CDK14: variants seen among roughly 807,000 people sequenced by gnomAD.
CDK14 encodes the protein cyclin dependent kinase 14.
A neutral mutation model predicts 60.7 loss-of-function variants in CDK14; 34 were observed. The ratio of observed to expected loss-of-function variants is 0.56; its 90% CI spans 0.43 to 0.75. CDK14 has a LOEUF of 0.75. Ranked by LOEUF, CDK14 falls within the 30% of genes least tolerant of loss-of-function variation. The probability of loss-of-function intolerance (pLI) is 0.00; values close to 1 mark genes in which losing one functional copy is unlikely to be tolerated. For missense variants in CDK14, 482 were observed against 564.1 expected (o/e 0.85, Z 1.47); for synonymous variants, 197 against 203.7 (o/e 0.97, Z 0.28).
intron 6 of CDK14, among the ~76,000 whole-genome samples, chr7:90,884,163 A>G (rs1433570755): frequency 6.6e-6 from 1 of 152,220 alleles, no homozygotes; most frequent in Non-Finnish European, 1.5e-5. Flanking sequence ...TGCAGATGAC[A>G]TGATTTTGTA....
intron 6 of CDK14, among the ~76,000 whole-genome samples, chr7:90,871,600 A>C (rs1033901777): frequency 1.3e-5 from 2 of 152,236 alleles, no homozygotes; most frequent in African/African-American, 2.4e-5. Context: ...TCTTTGAAAT[A>C]TAATGAGCAC....
intron 12 of CDK14, among the ~76,000 whole-genome samples, chr7:91,096,082 A>AAAAAAC (rs1798981854): frequency 6.6e-6 from 1 of 150,812 alleles, no homozygotes; most frequent in Non-Finnish European, 1.5e-5. Flanking sequence ...AAAAAAAAAA[A>AAAAAAC]AAAAAACAGT....
intron 3 of CDK14, among the ~76,000 whole-genome samples, chr7:90,739,105 G>A (rs1331658397): frequency 6.6e-6 from 1 of 152,156 alleles, no homozygotes; most frequent in Non-Finnish European, 1.5e-5. Flanking sequence ...TTGTTTTGTA[G>A]ACTAGGAAAA....
chr7:90,918,811 A>G (rs941148150), intron 8 of CDK14, among the ~76,000 whole-genome samples: 2 of 152,210 alleles, frequency 1.3e-5, no homozygotes, highest in Admixed American at 6.5e-5. Context: ...AGACTGTTGA[A>G]TACCTTTGGA....
chr7:90,668,726 T>TC (rs1801038141), intron 2 of CDK14, among the ~76,000 whole-genome samples: 1 of 65,320 alleles, frequency 1.5e-5, no homozygotes, highest in Admixed American at 1.8e-4. Flanking sequence ...TTTTTTTTTT[T>TC]CAACTGGGGC....
intron 6 of CDK14, among the ~76,000 whole-genome samples, chr7:90,875,642 A>C (rs1791532799): frequency 6.6e-6 from 1 of 152,046 alleles, no homozygotes; most frequent in South Asian, 2.1e-4. Flanking sequence ...TCAAGAACTT[A>C]AATTATTTTG....
At chr7:90,725,540 G>A (rs1802607588) in intron 2 of CDK14, among the ~76,000 whole-genome samples, 1 of 152,166 alleles carries the variant, frequency 6.6e-6, no homozygotes, top group South Asian at 2.1e-4. Flanking sequence ...TACCTTAACA[G>A]TGTGGGCTTT....
intron 5 of CDK14, among the ~76,000 whole-genome samples, chr7:90,852,515 A>G (rs1790679601): frequency 6.6e-6 from 1 of 152,164 alleles, no homozygotes; most frequent in Non-Finnish European, 1.5e-5. Flanking sequence ...GTTAAAAATG[A>G]AAGAAATGAG....
At chr7:91,106,945 A>G (rs1313249604) in intron 12 of CDK14, among the ~76,000 whole-genome samples, 1 of 152,214 alleles carries the variant, frequency 6.6e-6, no homozygotes, top group Non-Finnish European at 1.5e-5. Context: ...GGTGAACTAT[A>G]GAAAGTCATT....
intron 14 of CDK14, among the ~76,000 whole-genome samples, chr7:91,135,797 T>C (rs1800262277): frequency 6.6e-6 from 1 of 152,162 alleles, no homozygotes; most frequent in East Asian, 1.9e-4. Flanking sequence ...GAAGGGAATT[T>C]GTGTGGTAAA....
intron 5 of CDK14, among the ~76,000 whole-genome samples, chr7:90,852,410 T>C (rs545744260): frequency 6.6e-6 from 1 of 152,328 alleles, no homozygotes; most frequent in South Asian, 2.1e-4. Flanking sequence ...TTTATAGGTA[T>C]GTATTCCTGT....
intron 6 of CDK14, among the ~76,000 whole-genome samples, chr7:90,865,112 A>G (rs1256663882): frequency 1.3e-5 from 2 of 151,844 alleles, no homozygotes; most frequent in Admixed American, 6.6e-5. Context: ...TTCTTTTTCT[A>G]TCTTTTCCTG....
intron 4 of CDK14, among the ~76,000 whole-genome samples, chr7:90,748,756 T>TA (rs959635656): frequency 2.0e-5 from 3 of 152,044 alleles, no homozygotes; most frequent in Non-Finnish European, 2.9e-5. Context: ...CTATTTTTTT[T>TA]AAAAAACTCT....
At chr7:90,607,422 G>A (rs975048444) in intron 2 of CDK14, among the ~76,000 whole-genome samples, 21 of 152,260 alleles carry the variant, frequency 1.4e-4, no homozygotes, top group African/African-American at 5.1e-4. Context: ...GCCTGAGCTG[G>A]AGTTTGGTAA....
At chr7:90,821,886 T>C (rs989025791) in intron 5 of CDK14, among the ~76,000 whole-genome samples, 12 of 152,208 alleles carry the variant, frequency 7.9e-5, no homozygotes, top group Non-Finnish European at 1.3e-4. Flanking sequence ...GCTCTTTAGC[T>C]TCCTTGAGAC....
At chr7:90,929,015 C>G (rs560850995) in intron 8 of CDK14, among the ~76,000 whole-genome samples, 7 of 152,360 alleles carry the variant, frequency 4.6e-5, no homozygotes, top group Non-Finnish European at 7.3e-5. Flanking sequence ...ATGGGACCCT[C>G]TGAGCCAGGC....
chr7:90,784,557 G>GT (rs1022694917), intron 4 of CDK14, among the ~76,000 whole-genome samples: 74 of 152,168 alleles, frequency 4.9e-4, no homozygotes, highest in African/African-American at 1.5e-3. Context: ...GTATCCATAA[G>GT]TTTTTTTAAA....
intron 12 of CDK14, among the ~76,000 whole-genome samples, chr7:91,094,884 A>G (rs559123950): frequency 6.6e-6 from 1 of 152,312 alleles, no homozygotes; most frequent in South Asian, 2.1e-4. Context: ...CATAAACACC[A>G]ATACTGGTGA....
chr7:90,989,418 T>C (rs2115679388), intron 10 of CDK14, among the ~76,000 whole-genome samples: 1 of 152,350 alleles, frequency 6.6e-6, no homozygotes, highest in South Asian at 2.1e-4. Flanking sequence ...GCAGTTACTC[T>C]GTAGCACTAG....
Sources: allele counts gnomAD v4.1 joint callset (sites outside exome capture counted in the v4.1 genomes callset), GRCh38; gene constraint gnomAD v4.1.1; transcripts MANE v1.5; gene names NCBI Gene and HGNC (gene_info 2026-07-23, HGNC 2026-07-21).